The following RFX8 variants were observed in gnomAD, a reference collection of about 807,000 sequenced individuals.
RFX8 encodes the protein regulatory factor X8.
RFX8 carries 46 observed loss-of-function variants against 54.6 expected under a neutral mutation model. That is an observed-to-expected ratio of 0.84 (90% CI 0.67 to 1.08). The LOEUF is 1.08. Among genes scored for constraint, RFX8 ranks in the 50% least tolerant of loss-of-function variants. The pLI, the probability that RFX8 is intolerant of heterozygous loss-of-function variation, is 0.00. For synonymous variants in RFX8, 192 were observed against 209.5 expected (o/e 0.92, Z 0.72); for missense variants, 536 against 562.3 (o/e 0.95, Z 0.47).
chr2:101,456,787 G>A (rs112860131), intron 2 of RFX8, among the ~76,000 whole-genome samples: 6,240 of 152,210 alleles, frequency 0.041, 391 homozygotes, highest in African/African-American at 0.14. Context: ...AGAAGGAATG[G>A]TACCAGCTCC....
chr2:101,445,915 T>C (rs1389027785), intron 2 of RFX8, among the ~76,000 whole-genome samples: 1 of 152,216 alleles, frequency 6.6e-6, no homozygotes, highest in Non-Finnish European at 1.5e-5. Context: ...ACCAGAGAGA[T>C]AAACTTATTT....
chr2:101,414,440 ATT>A (rs66524825), intron 7 of RFX8, among the ~76,000 whole-genome samples: 2 of 145,460 alleles, frequency 1.4e-5, no homozygotes, highest in African/African-American at 2.5e-5. Flanking sequence ...TAGTTTTTGT[ATT>A]TTTTTTTTTT....
intron 2 of RFX8, among the ~76,000 whole-genome samples, chr2:101,458,130 A>C (rs1341562669): frequency 1.3e-5 from 2 of 152,154 alleles, no homozygotes; most frequent in Non-Finnish European, 2.9e-5. Context: ...GGTCTCCTGA[A>C]TACAGCACAC....
chr2:101,436,982 A>G (rs528593838), intron 2 of RFX8, among the ~76,000 whole-genome samples: 1 of 152,366 alleles, frequency 6.6e-6, no homozygotes, highest in South Asian at 2.1e-4. Context: ...TCAGCGGAAG[A>G]AACCCTGAGA....
chr2:101,452,057 C>T (rs1024758604), intron 2 of RFX8, among the ~76,000 whole-genome samples: 1 of 152,224 alleles, frequency 6.6e-6, no homozygotes, highest in Non-Finnish European at 1.5e-5. Flanking sequence ...TGCAGCATTG[C>T]ACTCCAGCCT....
chr2:101,428,840 A>C lies in RFX8; in HGVS notation c.73-6368T>G, dbSNP rs1225580010. 4.4e-6 allele frequency: 3 copies of C among 678,220 alleles called. No homozygotes were observed. The African/African-American group carries it at 5.3e-5, about 12-fold the overall frequency. The allele number at this position is 678,220 out of a possible 1,614,324, so 42.0% of individuals were successfully genotyped here. A position where few individuals can be genotyped will look rare whatever the true frequency, so the allele number is the denominator to read the frequency against. ...TTCATGGTCAGATGGGTGAATGGTT[A>C]GGGGCTACCTAGAGTCAGAAGAGTA... On this transcript the variant is annotated intron_variant, in intron 2 of 11. Transcript: ENST00000428343.
rs114213483 is a variant in RFX8, at chr2:101,463,548, C to T, written c.72+3229G>A. Among the ~76,000 whole-genome samples the T allele has an allele frequency of 9.3e-3, 1,415 of 152,336 alleles. 24 individuals carry two copies. Among genetic ancestry groups the T allele is most frequent in the African/African-American group, 0.033 (1,373 of 41,578 alleles). On this transcript the variant is annotated intron_variant, in intron 2 of 11. Coordinates refer to ENST00000428343, the MANE Select transcript of RFX8 (RefSeq NM_001145664.2). ...AGCCCAGACTCTGCCTTGCGAGGCC[C>T]CCTGGACAGGCGGTCAGCCACAGCA...
chr2:101,459,007 A>C (rs1689129012), intron 2 of RFX8, among the ~76,000 whole-genome samples: 1 of 152,112 alleles, frequency 6.6e-6, no homozygotes, highest in South Asian at 2.1e-4. Flanking sequence ...CGAATTGGCT[A>C]TTGAAGCTTG....
chr2:101,431,865 C>T (rs1243780883), intron 2 of RFX8, among the ~76,000 whole-genome samples: 1 of 152,006 alleles, frequency 6.6e-6, no homozygotes, highest in Non-Finnish European at 1.5e-5. Flanking sequence ...GACGTGCCTG[C>T]CATCACCCTC....
intron 1 of RFX8, among the ~76,000 whole-genome samples, chr2:101,469,070 A>ATATATACG (rs1689788525): frequency 1.0e-5 from 1 of 96,816 alleles, no homozygotes; most frequent in African/African-American, 5.2e-5. Context: ...ATATATGTAT[A>ATATATACG]TATATATAAG....
intron 2 of RFX8, among the ~76,000 whole-genome samples, chr2:101,443,906 G>A (rs750854318): frequency 2.0e-5 from 3 of 152,094 alleles, no homozygotes; most frequent in African/African-American, 4.8e-5. Flanking sequence ...CAGAGTTCTG[G>A]TAGACTGACC....
intron 10 of RFX8, among the ~76,000 whole-genome samples, chr2:101,403,005 C>T (rs950914184): frequency 3.9e-5 from 6 of 152,108 alleles, no homozygotes; most frequent in Admixed American, 1.3e-4. Flanking sequence ...AAAATCCATC[C>T]GGTGTGAGAT....
chr2:101,414,342 A>G (rs937119969), intron 7 of RFX8, among the ~76,000 whole-genome samples: 1 of 151,792 alleles, frequency 6.6e-6, no homozygotes, highest in African/African-American at 2.4e-5. Flanking sequence ...ATCTTAGCTC[A>G]CTGCAACTTC....
At chr2:101,465,465 G>T (rs1247049819) in intron 2 of RFX8, among the ~76,000 whole-genome samples, 3 of 152,110 alleles carry the variant, frequency 2.0e-5, no homozygotes, top group Admixed American at 2.0e-4. Context: ...AGCCAAGATC[G>T]TGCCACTGCA....
intron 2 of RFX8, among the ~76,000 whole-genome samples, chr2:101,456,911 A>G (rs937394268): frequency 5.9e-5 from 9 of 152,304 alleles, no homozygotes; most frequent in East Asian, 1.9e-4. Flanking sequence ...CAGAGATTCA[A>G]CTTCTTCCTG....
intron 2 of RFX8, among the ~76,000 whole-genome samples, chr2:101,465,945 G>A (rs1297924677): frequency 2.0e-5 from 3 of 152,160 alleles, no homozygotes; most frequent in Admixed American, 6.5e-5. Flanking sequence ...AGGGAGAGGT[G>A]AACAGTTGTT....
At chr2:101,449,675 C>A (rs1360797858) in intron 2 of RFX8, among the ~76,000 whole-genome samples, 2 of 151,938 alleles carry the variant, frequency 1.3e-5, no homozygotes, top group Non-Finnish European at 2.9e-5. Context: ...CAGTAGAGAG[C>A]CAGGGAGGAA....
chr2:101,442,530 T>G (rs1688153609), intron 2 of RFX8, among the ~76,000 whole-genome samples: 1 of 152,136 alleles, frequency 6.6e-6, no homozygotes, highest in African/African-American at 2.4e-5. Context: ...TGACAGTTCT[T>G]ATCTCAGCCC....
intron 4 of RFX8, among the ~76,000 whole-genome samples, chr2:101,419,323 C>G (rs1686722200): frequency 6.6e-6 from 1 of 152,216 alleles, no homozygotes; most frequent in South Asian, 2.1e-4. Context: ...GACTGACTGA[C>G]TGACTGCCTC....
Sources: allele counts gnomAD v4.1 joint callset (sites outside exome capture counted in the v4.1 genomes callset), GRCh38; gene constraint gnomAD v4.1.1; transcripts MANE v1.5; gene names NCBI Gene and HGNC (gene_info 2026-07-23, HGNC 2026-07-21).